Variants in SLC11A2 observed in about 807,000 individuals in gnomAD.
SLC11A2 encodes solute carrier family 11 member 2.
In SLC11A2, 38 loss-of-function variants were observed where a neutral mutation model predicts 68.0. The observed-to-expected ratio is 0.56, with a 90% CI of 0.43 to 0.73. The LOEUF (loss-of-function observed/expected upper bound fraction) is 0.73, where lower values mean the gene tolerates loss of function less well. SLC11A2 is among the 30% of genes least tolerant of loss of function. SLC11A2 has a pLI of 0.00. For synonymous variants in SLC11A2, 242 were observed against 250.6 expected (o/e 0.97, Z 0.32); for missense variants, 517 against 690.5 (o/e 0.75, Z 2.82).
At chr12:51,015,436 C>T (rs1207508590) in intron 1 of SLC11A2, among the ~76,000 whole-genome samples, 1 of 151,198 alleles carries the variant, frequency 6.6e-6, no homozygotes, top group South Asian at 2.1e-4. Context: ...GATTGCGCCA[C>T]TGCACTCCAG....
Position 50,995,694 on chromosome 12 carries a change from T to A in SLC11A2, c.925A>T (p.Ile309Phe). The A allele has an allele frequency of 6.2e-7, 1 of 1,614,172 alleles. No individual in the cohort carries two copies. The highest frequency in any genetic ancestry group is 8.5e-7 in the Non-Finnish European group (1 of 1,180,000). Residue 309 changes from isoleucine (I) to phenylalanine (F), a missense_variant, in exon 10 of 16, where the codon ATC becomes TTC. Physicochemically the swap from Ile to Phe is conservative, Grantham distance 21 (BLOSUM62 0). Coordinates refer to ENST00000262052, the MANE Select transcript of SLC11A2 (RefSeq NM_000617.3). ...ESCIALFVSFIINVFVVSVFA... is the reference protein window; with the variant it reads ...ESCIALFVSFFINVFVVSVFA... The stretch of plus-strand genomic sequence containing the variant: ...ACTGAGACAACAAAGACATTGATGA[T>A]GAAGGAAACAAAGAGTGCAATGCAG...
chr12:51,026,739 G>C (rs1944412228), upstream of SLC11A2, among the ~76,000 whole-genome samples: 1 of 152,140 alleles, frequency 6.6e-6, no homozygotes, highest in Non-Finnish European at 1.5e-5. Flanking sequence ...ATCCTGTAAA[G>C]GGTAGCCAGG....
At chr12:51,022,989 T>G (rs935441109) in intron 1 of SLC11A2, among the ~76,000 whole-genome samples, 1 of 152,240 alleles carries the variant, frequency 6.6e-6, no homozygotes, top group Non-Finnish European at 1.5e-5. Flanking sequence ...TGCTGGCCAA[T>G]TGTTTTATAT....
intron 3 of SLC11A2, chr12:51,008,237 GAT>G: frequency 4.8e-6 from 2 of 417,970 alleles, no homozygotes; most frequent in Non-Finnish European, 8.7e-6. Context: ...TAGATAGATA[GAT>G]AGATAGATAG....
chr12:50,986,149 C>A lies in SLC11A2; in HGVS notation c.*2176G>T. On this transcript the variant is annotated 3_prime_UTR_variant, in exon 16 of 16. Transcript: ENST00000262052. Reference sequence around the variant, plus strand: ...CCTGTTAATTTCCAGTATAATGTAGCAGCACAATTATTTCATGTCACATTT... The same window carrying A: ...CCTGTTAATTTCCAGTATAATGTAGAAGCACAATTATTTCATGTCACATTT... 1 of 1,285,992 alleles carries A rather than the reference C, an allele frequency of 7.8e-7. No individual in the cohort carries two copies. The highest frequency in any genetic ancestry group is 1.0e-6 in the Non-Finnish European group (1 of 987,752). 79.7% of individuals were successfully genotyped at this position (1,285,992 alleles called of 1,614,324 possible).
At chr12:50,992,708 G>C in intron 12 of SLC11A2, 102 bp downstream of exon 12, 1 of 1,301,678 alleles carries the variant, frequency 7.7e-7, no homozygotes, top group Non-Finnish European at 1.1e-6. Flanking sequence ...CTCCAACTTG[G>C]GCGACGAGTG....
At chr12:51,004,065 T>C (rs1942508671) in intron 5 of SLC11A2, among the ~76,000 whole-genome samples, 1 of 152,212 alleles carries the variant, frequency 6.6e-6, no homozygotes, top group Admixed American at 6.5e-5. Flanking sequence ...TGGGATATTT[T>C]GATATAGGCA....
At chr12:51,004,034 G>A (rs1301137390) in intron 5 of SLC11A2, among the ~76,000 whole-genome samples, 1 of 152,160 alleles carries the variant, frequency 6.6e-6, no homozygotes, top group Admixed American at 6.5e-5. Flanking sequence ...TACATAGTAG[G>A]TGTATATATT....
chr12:51,011,552 G>GT (rs772957287), intron 1 of SLC11A2, among the ~76,000 whole-genome samples: 85,817 of 124,764 alleles, frequency 0.69, 28,848 homozygotes, highest in East Asian at 0.82. Flanking sequence ...TTTATGAGTT[G>GT]TTTTTTTTTG....
chr12:50,970,498 A>G, the SLC11A2 span: 1 of 1,523,994 alleles, frequency 6.6e-7, no homozygotes, highest in African/African-American at 1.4e-5. Flanking sequence ...CAGTGAGTCC[A>G]AAAAATGAAG....
chr12:51,000,615 T>C (rs372646925), intron 5 of SLC11A2, 196 bp from the exon 6 acceptor site: 3 of 611,716 alleles, frequency 4.9e-6, no homozygotes, highest in Non-Finnish European at 8.7e-6. Context: ...AGGAAAAGTG[T>C]GCTACCACGT....
upstream of SLC11A2, chr12:51,026,523 G>T (rs1034476269): frequency 5.0e-6 from 2 of 403,174 alleles, no homozygotes; most frequent in South Asian, 1.9e-5. Flanking sequence ...GTCTGGATGC[G>T]GCGGCCCCTG....
At chr12:50,952,781 G>A in the SLC11A2 span, among the ~76,000 whole-genome samples, 1 of 152,218 alleles carries the variant, frequency 6.6e-6, no homozygotes, top group Admixed American at 6.5e-5. Context: ...ACCTCCTCTG[G>A]CTAGGGCGTG....
chr12:50,964,743 A>G, the SLC11A2 span, among the ~76,000 whole-genome samples: 1 of 152,222 alleles, frequency 6.6e-6, no homozygotes, highest in South Asian at 2.1e-4. Flanking sequence ...TGTTATGTTG[A>G]TTTGCTCCAG....
intron 2 of SLC11A2, among the ~76,000 whole-genome samples, chr12:51,009,696 T>G (rs1241661370): frequency 6.6e-6 from 1 of 152,202 alleles, no homozygotes; most frequent in Non-Finnish European, 1.5e-5. Flanking sequence ...GTACTCGCCC[T>G]GTATTTTACT....
At chr12:50,956,497 G>A in the SLC11A2 span, among the ~76,000 whole-genome samples, 1 of 152,140 alleles carries the variant, frequency 6.6e-6, no homozygotes, top group Non-Finnish European at 1.5e-5. Flanking sequence ...GTCCTATGCA[G>A]GTAACTTACA....
At chr12:50,981,721 G>A (rs147470922), downstream of SLC11A2, 103 of 1,527,314 alleles carry the variant, frequency 6.7e-5, 1 homozygote, top group East Asian at 2.5e-3. Context: ...CTCTCAGGCT[G>A]TCAGTCATCT....
chr12:50,987,577 A>C lies in SLC11A2; in HGVS notation c.*748T>G. 1 of 1,287,194 alleles carries C rather than the reference A, an allele frequency of 7.8e-7. No homozygotes were observed. Among genetic ancestry groups the C allele is most frequent in the East Asian group, 5.5e-5 (1 of 18,024 alleles). The allele number at this position is 1,287,194 out of a possible 1,614,324, so 79.7% of individuals were successfully genotyped here. On this transcript the variant is annotated 3_prime_UTR_variant, in exon 16 of 16. Coordinates refer to ENST00000262052, the MANE Select transcript of SLC11A2 (RefSeq NM_000617.3). ...AATATCATCAGGAAAGCTCTGTACTAACAGGCAGGTTATTAAGACTCCCAA... is the reference window on the plus strand; with the variant it reads ...AATATCATCAGGAAAGCTCTGTACTCACAGGCAGGTTATTAAGACTCCCAA...
intron 6 of SLC11A2, 117 bp downstream of exon 6, chr12:51,000,196 A>G (rs1036058029): frequency 2.6e-6 from 2 of 765,846 alleles, no homozygotes; most frequent in Admixed American, 2.0e-5. Flanking sequence ...AAGGTTCCAC[A>G]GAAGAAATAA....
Sources: gnomAD v4.1 joint callset for allele counts (sites outside exome capture counted in the v4.1 genomes callset) on GRCh38, gnomAD v4.1.1 for gene constraint, MANE v1.5 for transcripts, NCBI Gene and HGNC (gene_info 2026-07-23, HGNC 2026-07-21) for gene names.